LBHD1: variants seen among roughly 807,000 people sequenced by gnomAD.
The protein encoded by LBHD1 is LBH domain-containing protein 1.
LBHD1 carries 28 observed loss-of-function variants against 31.1 expected under a neutral mutation model. The observed-to-expected ratio is 0.90, with a 90% CI of 0.67 to 1.24. The LOEUF (loss-of-function observed/expected upper bound fraction) is 1.24, where lower values mean the gene tolerates loss of function less well. Among genes scored for constraint, LBHD1 ranks in the 50% most tolerant of loss-of-function variants. The pLI is 0.00. For missense variants in LBHD1, 350 were observed against 323.0 expected, an observed-to-expected ratio of 1.08 and a Z score of -0.64; for synonymous variants, 105 against 116.5, an observed-to-expected ratio of 0.90 and a Z score of 0.63.
chr11:62,665,120 C>G, intron 4 of LBHD1, 147 bp from the exon 5 acceptor site: 1 of 1,193,050 alleles, frequency 8.4e-7, no homozygotes, highest in Non-Finnish European at 1.2e-6. Flanking sequence ...TCGCGGCCCC[C>G]ACACAGTCAC....
At chr11:62,666,036 C>T in intron 4 of LBHD1, 1 of 1,405,116 alleles carries the variant, frequency 7.1e-7, no homozygotes, top group South Asian at 1.2e-5. Flanking sequence ...AGTGTAGTCC[C>T]TGAAATTGTG....
chr11:62,663,159 A>T lies in LBHD1; in HGVS notation c.762T>A (p.Ser254Arg). The change falls in exon 7 of 7, where the codon AGT (serine) becomes AGA (arginine). Residue 254 changes from serine (S) to arginine (R), a missense_variant and splice_region_variant. Coordinates refer to ENST00000354588, the MANE Select transcript of LBHD1 (RefSeq NM_024099.5). ...ACPEREDSHG[S>R]GSPFKASQD ...CCTGGCTGGCTTTGAAGGGGCTTCC[A>T]CTGAGTAAAGGGAAGAAGGAAGTAT... 6.2e-7 allele frequency: 1 copy of T among 1,614,054 alleles called. No individual in the cohort carries two copies. The highest frequency in any genetic ancestry group is 8.5e-7 in the Non-Finnish European group (1 of 1,179,930).
chr11:62,667,730 G>C lies in LBHD1; in HGVS notation c.331C>G (p.Gln111Glu). Residue 111 changes from glutamine (Q) to glutamate (E), a missense_variant, in exon 4 of 7, where the codon CAG becomes GAG. By Grantham distance (29) the Gln-to-Glu change is conservative (BLOSUM62 2). Coordinates refer to ENST00000354588, the MANE Select transcript of LBHD1 (RefSeq NM_024099.5). ...GTTCTTAAAGGACTTCTAGGGTCCT[G>C]TGGGCTCCAAGCCCAGCCTGGGATG... The part of the protein sequence containing the change: ...SEEPGWAWSP[Q>E]DPRSPLRTFN... 6.2e-7 allele frequency: 1 copy of C among 1,608,676 alleles called. No homozygotes were observed. Among genetic ancestry groups the C allele is most frequent in the Non-Finnish European group, 8.5e-7 (1 of 1,175,434 alleles).
Position 62,671,934 on chromosome 11 carries a change from CT to C in LBHD1, c.-382del. On this transcript the variant is annotated 5_prime_UTR_variant, in exon 1 of 7. Coordinates refer to ENST00000354588, the MANE Select transcript of LBHD1 (RefSeq NM_024099.5). Reference sequence around the variant, plus strand: ...AGCCCCGGACTGGAGCTCCTGCGAACTCCCCTTCCTGCCCTCAGGAGATGCC... The same window carrying C: ...AGCCCCGGACTGGAGCTCCTGCGAACCCCCTTCCTGCCCTCAGGAGATGCC... 3 of 1,613,408 alleles carry C rather than the reference CT, an allele frequency of 1.9e-6. No homozygotes were observed. The highest frequency in any genetic ancestry group is 2.5e-6 in the Non-Finnish European group (3 of 1,179,516).
At chr11:62,671,297 G>A (rs1043426798) in intron 1 of LBHD1, 1 of 651,562 alleles carries the variant, frequency 1.5e-6, no homozygotes, top group African/African-American at 1.9e-5. Context: ...TGAGGGGATG[G>A]AGAGGGATGT....
At position 62,669,963 on chromosome 11, in the gene LBHD1, C is replaced by A. The variant is rs756704731; in HGVS notation, c.69G>T (p.Gln23His). 76 of 1,613,948 alleles carry A rather than the reference C, an allele frequency of 4.7e-5. 1 individual carries two copies. In the South Asian group the frequency reaches 6.7e-4, roughly 14 times the overall value. Residue 23 changes from glutamine (Q) to histidine (H), a missense_variant, in exon 2 of 7, where the codon CAG becomes CAT. Physicochemically the swap from Gln to His is conservative, Grantham distance 24. Coordinates refer to ENST00000354588, the MANE Select transcript of LBHD1 (RefSeq NM_024099.5). ...LWTRNSPGSS[Q>H]HPESPRLPNP... is the part of the protein sequence containing the mutation. ...TGGGCAGCCTGGGACTTTCTGGATG[C>A]TGGGAGGAGCCTGGGCTATTTCTAG...
In LBHD1 at chr11:62,669,734, C is replaced by T. The variant is rs1944904688; in HGVS notation, c.220G>A (p.Asp74Asn). 6.2e-7 allele frequency: 1 copy of T among 1,614,096 alleles called. No individual in the cohort carries two copies. The highest frequency in any genetic ancestry group is 1.1e-5 in the South Asian group (1 of 91,086). ...ESSEVNEESG[D>N]LHLPHEELLL... ...AGCTCCTCATGGGGCAAATGGAGAT[C>T]CCCACTCTCTTCATTCACCTCACTG... is the stretch of plus-strand genomic sequence containing the variant. The change falls in exon 3 of 7, where the codon GAT (aspartate) becomes AAT (asparagine). Residue 74 changes from aspartate (D) to asparagine (N), a missense_variant. Coordinates refer to ENST00000354588, the MANE Select transcript of LBHD1 (RefSeq NM_024099.5).
intron 1 of LBHD1, chr11:62,671,273 G>A (rs767098656): frequency 1.7e-5 from 9 of 534,186 alleles, no homozygotes; most frequent in South Asian, 7.6e-5. Context: ...GACTTTGAGT[G>A]TTTGTTCCAG....
At chr11:62,664,326 C>CTTTTTT (rs35917869) in intron 5 of LBHD1, among the ~76,000 whole-genome samples, 3 of 77,434 alleles carry the variant, frequency 3.9e-5, no homozygotes, top group Admixed American at 1.8e-4. Context: ...TCCTGATATT[C>CTTTTTT]TTTTTTTTTT....
At chr11:62,665,504 C>A (rs774812843) in intron 4 of LBHD1, 1 of 1,573,026 alleles carries the variant, frequency 6.4e-7, no homozygotes, top group Non-Finnish European at 8.6e-7. Context: ...CTGGCCCCCT[C>A]GGCGTCATGT....
chr11:62,666,795 C>T, intron 4 of LBHD1: 6 of 1,614,120 alleles, frequency 3.7e-6, no homozygotes, highest in Non-Finnish European at 5.1e-6. Context: ...TCTTCAGGCT[C>T]TTTCCAACTA....
Position 62,666,441 on chromosome 11 carries a change from G to C in LBHD1, c.538+1082C>G, listed in dbSNP as rs369330577. On this transcript the variant is annotated intron_variant, in intron 4 of 6. Transcript: ENST00000354588. ...CTGGCGGACCGCTGTCTCTGGGATC[G>C]GCTGCATGCCCAGCCTCGTTTGGGC... 3 of 1,612,874 alleles carry C rather than the reference G, an allele frequency of 1.9e-6. No individual in the cohort carries two copies. In the South Asian group the frequency reaches 3.3e-5, roughly 18 times the overall value.
In LBHD1 at chr11:62,671,929, G is replaced by C. The variant is rs1480698657; in HGVS notation, c.-376C>G. On this transcript the variant is annotated 5_prime_UTR_variant, in exon 1 of 7. Transcript: ENST00000354588. ...TGGAGAGCCCCGGACTGGAGCTCCT[G>C]CGAACTCCCCTTCCTGCCCTCAGGA... 1.9e-6 allele frequency: 3 copies of C among 1,613,058 alleles called. No homozygotes were observed. The highest frequency in any genetic ancestry group is 1.7e-5 in the Admixed American group (1 of 59,968).
chr11:62,668,092 T>C (rs748260061), intron 3 of LBHD1: 14 of 219,014 alleles, frequency 6.4e-5, no homozygotes, highest in Non-Finnish European at 9.3e-5. Flanking sequence ...AGAGCAATTA[T>C]ATCACTAAGA....
chr11:62,666,561 G>A lies in LBHD1; in HGVS notation c.538+962C>T, dbSNP rs1218694454. The stretch of plus-strand genomic sequence containing the variant: ...GAGGCACAGGCTGCCAGTCCTCTGC[G>A]AGTGCTGGATGTGGGCTGTGGGACT... On this transcript the variant is annotated intron_variant, in intron 4 of 6. Transcript: ENST00000354588. The A allele has an allele frequency of 1.7e-5, 27 of 1,614,038 alleles. No homozygotes were observed. The highest frequency in any genetic ancestry group is 6.7e-5 in the East Asian group (3 of 44,902).
chr11:62,663,174 G>A lies in LBHD1; in HGVS notation c.762-15C>T. 6.2e-7 allele frequency: 1 copy of A among 1,613,900 alleles called. No homozygotes were observed. The highest frequency in any genetic ancestry group is 8.5e-7 in the Non-Finnish European group (1 of 1,179,924). ...AGGGGCTTCCACTGAGTAAAGGGAA[G>A]AAGGAAGTATTATCCCAAATAAATC... On this transcript the variant is annotated splice_polypyrimidine_tract_variant and intron_variant, in intron 6 of 6. Transcript: ENST00000354588.
Position 62,666,585 on chromosome 11 carries a change from C to T in LBHD1, c.538+938G>A, listed in dbSNP as rs754824488. 16 of 1,614,046 alleles carry T rather than the reference C, an allele frequency of 9.9e-6. No individual in the cohort carries two copies. The African/African-American group carries it at 2.0e-4, about 20-fold the overall frequency. On this transcript the variant is annotated intron_variant, in intron 4 of 6. Coordinates refer to ENST00000354588, the MANE Select transcript of LBHD1 (RefSeq NM_024099.5). Reference sequence around the variant, plus strand: ...CGAGTGCTGGATGTGGGCTGTGGGACTTCCAGCCTATGTACAGGCCTCTAC... The same window carrying T: ...CGAGTGCTGGATGTGGGCTGTGGGATTTCCAGCCTATGTACAGGCCTCTAC...
At chr11:62,665,197 C>G (rs1181013837) in intron 4 of LBHD1, 1 of 806,434 alleles carries the variant, frequency 1.2e-6, no homozygotes, top group African/African-American at 1.7e-5. Context: ...AGTTCACGGT[C>G]CGTACTTCCG....
rs985845589 is a variant in LBHD1, at chr11:62,662,901, C to T, written c.*228G>A. The T allele has an allele frequency of 9.5e-6, 6 of 631,178 alleles. No individual in the cohort carries two copies. Among genetic ancestry groups the T allele is most frequent in the Non-Finnish European group, 2.7e-6 (1 of 365,348 alleles). The allele number at this position is 631,178 out of a possible 1,614,324, so 39.1% of individuals were successfully genotyped here. On this transcript the variant is annotated 3_prime_UTR_variant, in exon 7 of 7. Transcript: ENST00000354588. ...CTTTCTTCTGTACCTTCTTCCCTCC[C>T]AAAGACATCCCTCTAGGGGAGGTCA... is the stretch of plus-strand genomic sequence containing the variant.
Sources: allele counts gnomAD v4.1 joint callset (sites outside exome capture counted in the v4.1 genomes callset), GRCh38; gene constraint gnomAD v4.1.1; transcripts MANE v1.5; gene names NCBI Gene and HGNC (gene_info 2026-07-23, HGNC 2026-07-21).